The following PPP1R21 variants were observed in gnomAD, a reference collection of about 807,000 sequenced individuals.
PPP1R21 encodes the protein KLRAQ motif containing 1.
PPP1R21 carries 85 observed loss-of-function variants against 112.8 expected under a neutral mutation model. The observed-to-expected ratio is 0.75, with a 90% CI of 0.63 to 0.90. The LOEUF is 0.90. PPP1R21 is among the 40% of genes least tolerant of loss of function. The pLI is 0.00. For missense variants in PPP1R21, 1,199 were observed against 901.5 expected (o/e 1.33, Z -4.23); for synonymous variants, 381 against 322.3 (o/e 1.18, Z -1.95).
chr2:48,465,785 A>G, intron 9 of PPP1R21, 143 bp downstream of exon 9: 1 of 630,764 alleles, frequency 1.6e-6, no homozygotes, highest in South Asian at 2.9e-5. Context: ...CTCTCAAAAT[A>G]AAATATGGCA....
At chr2:48,449,105 T>A (rs904249023) in intron 1 of PPP1R21, among the ~76,000 whole-genome samples, 2 of 152,086 alleles carry the variant, frequency 1.3e-5, no homozygotes, top group African/African-American at 4.8e-5. Flanking sequence ...TGTAAGTTCT[T>A]TGAAAATAGA....
At chr2:48,513,757 T>C (rs1423299695) in intron 21 of PPP1R21, among the ~76,000 whole-genome samples, 1 of 152,242 alleles carries the variant, frequency 6.6e-6, no homozygotes, top group Non-Finnish European at 1.5e-5. Context: ...GTGTTTATAT[T>C]CTGCAAGCAT....
intron 1 of PPP1R21, among the ~76,000 whole-genome samples, chr2:48,442,430 AT>A (rs1163163603): frequency 3.3e-5 from 5 of 152,232 alleles, no homozygotes; most frequent in Non-Finnish European, 7.3e-5. Flanking sequence ...TAGGGACTAC[AT>A]TGCTGAAATA....
rs563725333 is a variant in PPP1R21, at chr2:48,491,678, T to G, written c.1599+508T>G. ...ATATATTTATATCCAAAAAATGTTA[T>G]TATATGTTTGAGTGCACATGCACAC... is the stretch of plus-strand genomic sequence containing the variant. On this transcript the variant is annotated intron_variant, in intron 15 of 21. Transcript: ENST00000294952. Among the ~76,000 whole-genome samples the G allele has an allele frequency of 5.3e-5, 8 of 152,286 alleles. No homozygotes were observed. In the South Asian group the frequency reaches 1.7e-3, roughly 32 times the overall value.
chr2:48,465,620 C>A lies in PPP1R21; in HGVS notation c.875C>A (p.Thr292Asn). Residue 292 changes from threonine to asparagine, a missense_variant, in exon 9 of 22, where the codon ACT becomes AAT. Thr to Asn is a moderately conservative substitution (Grantham distance 65). Transcript: ENST00000294952. The stretch of plus-strand genomic sequence containing the variant: ...TTTCCTGTTGATTCTGCCATTGACA[C>A]TATATCTCCATTGAATCAGAAGGTA... Reference protein sequence around the residue: ...QIFPVDSAIDTISPLNQKFSQ... With the variant: ...QIFPVDSAIDNISPLNQKFSQ... 6.2e-7 allele frequency: 1 copy of A among 1,612,128 alleles called. No individual in the cohort carries two copies. Among genetic ancestry groups the A allele is most frequent in the Non-Finnish European group, 8.5e-7 (1 of 1,179,492 alleles).
chr2:48,503,875 C>A (rs542909022), intron 17 of PPP1R21, among the ~76,000 whole-genome samples: 11 of 151,718 alleles, frequency 7.3e-5, no homozygotes, highest in African/African-American at 2.4e-4. Flanking sequence ...ATTGCTTGAA[C>A]CCAGGAGGCG....
chr2:48,442,092 A>G (rs1667055922), intron 1 of PPP1R21, among the ~76,000 whole-genome samples: 1 of 152,174 alleles, frequency 6.6e-6, no homozygotes, highest in South Asian at 2.1e-4. Context: ...TTGCATTTCC[A>G]TTTGAAATTG....
intron 13 of PPP1R21, among the ~76,000 whole-genome samples, chr2:48,486,121 C>G (rs1669285818): frequency 6.6e-6 from 1 of 151,876 alleles, no homozygotes; most frequent in Non-Finnish European, 1.5e-5. Context: ...CTGGGGCGTC[C>G]AATCCGTATT....
At chr2:48,469,506 GAGCATATATATATATATATATATATATAT>G (rs1668400654) in intron 9 of PPP1R21, among the ~76,000 whole-genome samples, 2 of 19,504 alleles carry the variant, frequency 1.0e-4, no homozygotes, top group African/African-American at 6.6e-4. Flanking sequence ...TATATATATA[GAGCATATATATATATATATATATATATAT>G]AGAGCATATA....
Position 48,502,870 on chromosome 2 carries a change from C to T in PPP1R21, c.1936-2694C>T, listed in dbSNP as rs574512130. On this transcript the variant is annotated intron_variant, in intron 17 of 21. Transcript: ENST00000294952. ...TAATTTTTTGTATTTTTAGTAGAGA[C>T]GGGGTTTCACTTTGTTAGCCAGGAT... is the stretch of plus-strand genomic sequence containing the variant. Among the ~76,000 whole-genome samples the T allele has an allele frequency of 9.0e-4, 137 of 151,732 alleles. 1 individual carries two copies. The highest frequency in any genetic ancestry group is 3.1e-3 in the African/African-American group (130 of 41,406).
intron 14 of PPP1R21, among the ~76,000 whole-genome samples, chr2:48,487,453 G>C (rs983264601): frequency 6.6e-6 from 1 of 152,202 alleles, no homozygotes; most frequent in African/African-American, 2.4e-5. Context: ...ACTAACTAAA[G>C]TGCAGTTTCT....
At chr2:48,468,207 T>A (rs1668288217) in intron 9 of PPP1R21, among the ~76,000 whole-genome samples, 1 of 152,198 alleles carries the variant, frequency 6.6e-6, no homozygotes, top group South Asian at 2.1e-4. Flanking sequence ...TATTTGAGGA[T>A]TCAATAAGAT....
At chr2:48,490,044 C>T (rs1676234872) in intron 14 of PPP1R21, among the ~76,000 whole-genome samples, 1 of 151,840 alleles carries the variant, frequency 6.6e-6, no homozygotes, top group African/African-American at 2.4e-5. Context: ...GACTCTGTTT[C>T]AAACAAACGA....
At position 48,459,814 on chromosome 2, in the gene PPP1R21, A is replaced by C; in HGVS notation, c.436A>C (p.Thr146Pro). Residue 146 changes from threonine to proline, a missense_variant, in exon 5 of 22, where the codon ACT (threonine) becomes CCT (proline). Transcript: ENST00000294952. ...VEAELRSRLA[T>P]LETEAAQHQA... ...AGCAGAGCTGAGGAGTCGACTGGCC[A>C]CTCTGGAGACAGAAGCAGCCCAGCA... The C allele has an allele frequency of 6.2e-7, 1 of 1,614,090 alleles. No individual in the cohort carries two copies. Among genetic ancestry groups the C allele is most frequent in the African/African-American group, 1.3e-5 (1 of 75,038 alleles).
At chr2:48,444,051 C>T (rs77468632) in intron 1 of PPP1R21, among the ~76,000 whole-genome samples, 1 of 151,412 alleles carries the variant, frequency 6.6e-6, no homozygotes, top group Non-Finnish European at 1.5e-5. Context: ...AAAAAAAAAA[C>T]CAAACAAACA....
At chr2:48,469,026 T>C (rs186153492) in intron 9 of PPP1R21, among the ~76,000 whole-genome samples, 51 of 151,916 alleles carry the variant, frequency 3.4e-4, no homozygotes, top group African/African-American at 1.1e-3. Flanking sequence ...AAGACACTTT[T>C]TACATGGCAG....
At chr2:48,441,109 A>G in intron 1 of PPP1R21, 99 bp downstream of exon 1, 3 of 815,136 alleles carry the variant, frequency 3.7e-6, no homozygotes, top group South Asian at 1.5e-5. Flanking sequence ...CGGGAGGGGC[A>G]CGCGAGCGCG....
At chr2:48,487,988 G>T (rs1669387352) in intron 14 of PPP1R21, among the ~76,000 whole-genome samples, 1 of 152,078 alleles carries the variant, frequency 6.6e-6, no homozygotes, top group Admixed American at 6.6e-5. Context: ...TTATCTCTGT[G>T]TCTGTCTTTA....
At chr2:48,489,682 G>A (rs1180022355) in intron 14 of PPP1R21, among the ~76,000 whole-genome samples, 1 of 151,734 alleles carries the variant, frequency 6.6e-6, no homozygotes, top group Non-Finnish European at 1.5e-5. Context: ...GGCTGGGCAC[G>A]GTAGCTCACC....
Sources: gnomAD v4.1 joint callset for allele counts (sites outside exome capture counted in the v4.1 genomes callset) on GRCh38, gnomAD v4.1.1 for gene constraint, MANE v1.5 for transcripts, NCBI Gene and HGNC (gene_info 2026-07-23, HGNC 2026-07-21) for gene names.